The following SRPK2 variants were observed in gnomAD, a reference collection of about 807,000 sequenced individuals.
SRPK2 encodes the protein SFRS protein kinase 2.
Under a neutral mutation model 90.8 loss-of-function variants are expected in SRPK2, and 21 were observed. That is an observed-to-expected ratio of 0.23 (90% confidence interval 0.16 to 0.33). SRPK2 has a LOEUF of 0.33. Among genes scored for constraint, SRPK2 ranks in the 10% least tolerant of loss-of-function variants. SRPK2 has a pLI of 1.00. For missense variants in SRPK2, 620 were observed against 869.0 expected, an observed-to-expected ratio of 0.71 and a Z score of 3.60; for synonymous variants, 288 against 311.1, an observed-to-expected ratio of 0.93 and a Z score of 0.78.
chr7:105,207,415 C>T (rs914878214), intron 2 of SRPK2, among the ~76,000 whole-genome samples: 4 of 152,102 alleles, frequency 2.6e-5, no homozygotes, highest in Non-Finnish European at 5.9e-5. Context: ...CAAATACATA[C>T]TCATTAAGTC....
intron 2 of SRPK2, among the ~76,000 whole-genome samples, chr7:105,253,616 A>G (rs955157336): frequency 1.3e-5 from 2 of 152,138 alleles, no homozygotes; most frequent in Non-Finnish European, 2.9e-5. Context: ...GTTTCCTGGA[A>G]TACTATTTAG....
At chr7:105,355,920 C>G (rs1389984019) in intron 2 of SRPK2, among the ~76,000 whole-genome samples, 1 of 152,056 alleles carries the variant, frequency 6.6e-6, no homozygotes, top group Non-Finnish European at 1.5e-5. Context: ...GTGGTGGCAT[C>G]TGCCAGTAGT....
intron 2 of SRPK2, among the ~76,000 whole-genome samples, chr7:105,247,367 C>T (rs767872859): frequency 3.3e-5 from 5 of 152,004 alleles, no homozygotes; most frequent in Non-Finnish European, 5.9e-5. Flanking sequence ...TAACTGAAAG[C>T]GTGCTTGAAG....
chr7:105,161,829 T>C (rs938393819), intron 6 of SRPK2, among the ~76,000 whole-genome samples: 2 of 152,242 alleles, frequency 1.3e-5, no homozygotes, highest in Non-Finnish European at 2.9e-5. Context: ...ATTTTAATAC[T>C]ATAGGCAGGT....
chr7:105,394,022 GC>G, upstream of SRPK2, among the ~76,000 whole-genome samples: 1 of 151,976 alleles, frequency 6.6e-6, no homozygotes, highest in Non-Finnish European at 1.5e-5. Context: ...CCTGCACTAG[GC>G]CTAGGCAGCC....
chr7:105,224,659 C>G (rs547141153), intron 2 of SRPK2, among the ~76,000 whole-genome samples: 1 of 152,128 alleles, frequency 6.6e-6, no homozygotes, highest in East Asian at 1.9e-4. Context: ...CCAGTAAATA[C>G]ATCTCTTATT....
intron 3 of SRPK2, among the ~76,000 whole-genome samples, chr7:105,193,213 T>C (rs1585124761): frequency 1.3e-5 from 2 of 152,362 alleles, no homozygotes; most frequent in South Asian, 4.1e-4. Flanking sequence ...GAGTTGATTT[T>C]TGTTTAAGGT....
intron 2 of SRPK2, among the ~76,000 whole-genome samples, chr7:105,261,156 T>C (rs1303267735): frequency 6.6e-6 from 1 of 152,016 alleles, no homozygotes. Context: ...AGATGGAAAG[T>C]GTCCAAATTT....
intron 2 of SRPK2, among the ~76,000 whole-genome samples, chr7:105,278,802 G>C (rs1357465684): frequency 6.6e-6 from 1 of 151,864 alleles, no homozygotes; most frequent in Non-Finnish European, 1.5e-5. Flanking sequence ...AAGGAAAGGA[G>C]AGAGAGAAAG....
chr7:105,335,639 A>G (rs1815006894), intron 2 of SRPK2, among the ~76,000 whole-genome samples: 2 of 149,600 alleles, frequency 1.3e-5, no homozygotes, highest in Admixed American at 6.8e-5. Flanking sequence ...GTGACAGAAC[A>G]AGACCATCTT....
intron 2 of SRPK2, among the ~76,000 whole-genome samples, chr7:105,239,042 A>AAT (rs1800482341): frequency 6.6e-6 from 1 of 152,212 alleles, no homozygotes; most frequent in African/African-American, 2.4e-5. Context: ...CACTTCTCCT[A>AAT]ATAAGCAAGC....
At chr7:105,210,586 A>G (rs550206161) in intron 2 of SRPK2, among the ~76,000 whole-genome samples, 15 of 152,354 alleles carry the variant, frequency 9.8e-5, no homozygotes, top group Admixed American at 3.9e-4. Context: ...TCAAACCTAA[A>G]TGTGCAATGA....
At chr7:105,349,544 A>G (rs1159256164) in intron 2 of SRPK2, among the ~76,000 whole-genome samples, 1 of 148,420 alleles carries the variant, frequency 6.7e-6, no homozygotes, top group Admixed American at 6.7e-5. Context: ...AAAAAGAATT[A>G]GGAAAAGAGA....
At chr7:105,380,521 ATTT>A (rs35323315) in intron 2 of SRPK2, among the ~76,000 whole-genome samples, 29 of 107,288 alleles carry the variant, frequency 2.7e-4, no homozygotes, top group Middle Eastern at 5.3e-3. Context: ...ACATGCTAAA[ATTT>A]TTTTTTTTTT....
At chr7:105,127,795 A>C (rs1222405620) in intron 13 of SRPK2, among the ~76,000 whole-genome samples, 2 of 152,256 alleles carry the variant, frequency 1.3e-5, no homozygotes, top group East Asian at 3.8e-4. Flanking sequence ...CAAAAATGGC[A>C]ACTGCTACTG....
chr7:105,318,786 C>A (rs1483107257), intron 2 of SRPK2, among the ~76,000 whole-genome samples: 1 of 152,192 alleles, frequency 6.6e-6, no homozygotes, highest in South Asian at 2.1e-4. Context: ...AGAATTCATG[C>A]AAGTTCTGAG....
intron 1 of SRPK2, among the ~76,000 whole-genome samples, chr7:105,396,190 C>T (rs1822316643): frequency 6.6e-6 from 1 of 151,272 alleles, no homozygotes; most frequent in South Asian, 2.1e-4. Flanking sequence ...GCTGGGATTA[C>T]AGGCATGAGC....
At chr7:105,231,450 C>T (rs572743922) in intron 2 of SRPK2, among the ~76,000 whole-genome samples, 2 of 152,274 alleles carry the variant, frequency 1.3e-5, no homozygotes, top group African/African-American at 2.4e-5. Context: ...ATTGCGGAGT[C>T]GAATGGTAGT....
intron 2 of SRPK2, among the ~76,000 whole-genome samples, chr7:105,327,590 T>C (rs1035220089): frequency 2.6e-5 from 4 of 152,170 alleles, no homozygotes; most frequent in Non-Finnish European, 1.5e-5. Context: ...ATGAATTAAT[T>C]GTTACACATC....
Sources: allele counts gnomAD v4.1 joint callset (sites outside exome capture counted in the v4.1 genomes callset), GRCh38; gene constraint gnomAD v4.1.1; transcripts MANE v1.5; gene names NCBI Gene and HGNC (gene_info 2026-07-23, HGNC 2026-07-21).